The following PSMD1 variants were observed in gnomAD, a reference collection of about 807,000 sequenced individuals.
PSMD1 encodes the protein 26S proteasome non-ATPase regulatory subunit 1.
A neutral mutation model predicts 119.0 loss-of-function variants in PSMD1; 18 were observed. That is an observed-to-expected ratio of 0.15 (90% CI 0.10 to 0.22). The LOEUF (loss-of-function observed/expected upper bound fraction) is 0.22, where lower values mean the gene tolerates loss of function less well. Ranked by LOEUF, PSMD1 falls within the 10% of genes least tolerant of loss-of-function variation. PSMD1 has a pLI of 1.00. For missense variants in PSMD1, 702 were observed against 1,158.5 expected (o/e 0.61, Z 5.72); for synonymous variants, 374 against 396.6 (o/e 0.94, Z 0.68).
At chr2:231,094,034 T>G (rs776340645) in intron 16 of PSMD1, among the ~76,000 whole-genome samples, 1 of 152,234 alleles carries the variant, frequency 6.6e-6, no homozygotes, top group African/African-American at 2.4e-5. Flanking sequence ...TTGGCATCAA[T>G]GGATACATGT....
intron 7 of PSMD1, among the ~76,000 whole-genome samples, chr2:231,074,614 A>T (rs1694117386): frequency 6.6e-6 from 1 of 151,860 alleles, no homozygotes; most frequent in South Asian, 2.1e-4. Flanking sequence ...TGTATATTTT[A>T]TGTAATTTTC....
chr2:231,133,625 T>G (rs1326231716), intron 16 of PSMD1: 1 of 152,150 alleles, frequency 6.6e-6, no homozygotes, highest in African/African-American at 2.4e-5. Flanking sequence ...TTCAGGTAGT[T>G]CCCTGGGGTC....
chr2:231,111,725 T>C (rs535040004), intron 16 of PSMD1, among the ~76,000 whole-genome samples: 1 of 152,360 alleles, frequency 6.6e-6, no homozygotes, highest in Admixed American at 6.5e-5. Context: ...GCTGAAAAGC[T>C]GTAAGAGTTC....
At chr2:231,127,304 A>G (rs1051943213) in intron 16 of PSMD1, among the ~76,000 whole-genome samples, 1 of 151,818 alleles carries the variant, frequency 6.6e-6, no homozygotes, top group African/African-American at 2.4e-5. Flanking sequence ...ATTTAAATGT[A>G]TAAACATGTA....
intron 16 of PSMD1, among the ~76,000 whole-genome samples, chr2:231,112,175 C>G (rs890637333): frequency 2.0e-5 from 3 of 152,190 alleles, no homozygotes; most frequent in African/African-American, 7.2e-5. Context: ...CACACTCTCC[C>G]TTGCCCTCTC....
chr2:231,145,862 C>T (rs1446319587), intron 17 of PSMD1, among the ~76,000 whole-genome samples: 2 of 126,982 alleles, frequency 1.6e-5, no homozygotes, highest in Non-Finnish European at 3.1e-5. Context: ...CATTGCACTC[C>T]AGTCTGGGTG....
At chr2:231,085,602 C>T (rs1048112370) in intron 15 of PSMD1, among the ~76,000 whole-genome samples, 3 of 152,156 alleles carry the variant, frequency 2.0e-5, no homozygotes, top group African/African-American at 4.8e-5. Flanking sequence ...CTAGCCTGTG[C>T]GACAGGGCAA....
chr2:231,111,350 C>G lies in PSMD1; in HGVS notation c.1883+24169C>G, dbSNP rs1172546618. ...TTTTATCTCTAGTTCATTCATTCAT[C>G]TCAGTTTTCACATTCTATTAACTCA... On this transcript the variant is annotated intron_variant, in intron 16 of 24. Transcript: ENST00000308696. Among the ~76,000 whole-genome samples the G allele has an allele frequency of 2.0e-5, 3 of 152,186 alleles. No homozygotes were observed. The East Asian group carries it at 5.8e-4, about 29-fold the overall frequency.
intron 16 of PSMD1, among the ~76,000 whole-genome samples, chr2:231,116,689 C>G (rs1574744675): frequency 6.6e-6 from 1 of 151,968 alleles, no homozygotes; most frequent in Non-Finnish European, 1.5e-5. Flanking sequence ...CCCTGTTAGC[C>G]TCACTTTAAA....
intron 9 of PSMD1, 126 bp downstream of exon 9, chr2:231,077,288 A>C (rs1694191853): frequency 1.3e-6 from 1 of 797,192 alleles, no homozygotes; most frequent in African/African-American, 1.8e-5. Context: ...AAAAGTATTT[A>C]AGTTTTGAAA....
rs1694116890 is a variant in PSMD1, at chr2:231,074,568, T to C, written c.882-943T>C. ...ATTTTCTCTAGTTCTATCATGTTAATTTCTGAGTTTTTGTACTTCTAATAT... is the reference window on the plus strand; with the variant it reads ...ATTTTCTCTAGTTCTATCATGTTAACTTCTGAGTTTTTGTACTTCTAATAT... On this transcript the variant is annotated intron_variant, in intron 7 of 24. Coordinates refer to ENST00000308696, the MANE Select transcript of PSMD1 (RefSeq NM_002807.4). 2.0e-5 allele frequency among the ~76,000 whole-genome samples: 3 copies of C among 152,280 alleles called. No individual in the cohort carries two copies. In the South Asian group the frequency reaches 6.2e-4, roughly 32 times the overall value.
At chr2:231,136,839 C>T (rs953592956) in intron 16 of PSMD1, among the ~76,000 whole-genome samples, 3 of 151,058 alleles carry the variant, frequency 2.0e-5, no homozygotes, top group Non-Finnish European at 4.4e-5. Context: ...TCTGTGAATT[C>T]GTCTCCTGAC....
rs780334676 is a variant in PSMD1 at position 231,075,540 on chromosome 2, G to T, written c.911G>T (p.Ser304Ile). 6.2e-7 allele frequency: 1 copy of T among 1,610,056 alleles called. No homozygotes were observed. Among genetic ancestry groups the T allele is most frequent in the Non-Finnish European group, 8.5e-7 (1 of 1,178,734 alleles). ...SDSMETEEKT[S>I]SAFVGKTPEA... ...TCGATGGAAACAGAAGAAAAGACAA[G>T]CAGTGCATTTGTAGGAAAGACACCA... The change falls in exon 8 of 25, where the codon AGC becomes ATC. Residue 304 changes from serine (S) to isoleucine (I), a missense_variant. Around this residue, in one of 9 missense-constraint regions of PSMD1, gnomAD observed 69 missense variants for 71.6 expected, o/e 0.96. Transcript: ENST00000308696.
rs147581102 is a variant in PSMD1 at position 231,076,774 on chromosome 2, G to A, written c.943-260G>A. ...ATTTAATAAAAAGTAATTTTCCTGC[G>A]TGTTATCAGTAATTATTCTTTCCCA... On this transcript the variant is annotated intron_variant, in intron 8 of 24. Coordinates refer to ENST00000308696, the MANE Select transcript of PSMD1 (RefSeq NM_002807.4). 5.3e-4 allele frequency among the ~76,000 whole-genome samples: 81 copies of A among 152,164 alleles called. 1 individual carries two copies. Among genetic ancestry groups the A allele is most frequent in the African/African-American group, 1.3e-3 (53 of 41,502 alleles).
intron 16 of PSMD1, among the ~76,000 whole-genome samples, chr2:231,088,527 G>A (rs557883386): frequency 2.0e-5 from 3 of 152,016 alleles, no homozygotes; most frequent in Non-Finnish European, 2.9e-5. Flanking sequence ...AGACTTTTTC[G>A]TTATTTTATC....
intron 22 of PSMD1, 87 bp from the exon 23 acceptor site, chr2:231,165,784 T>C (rs1696764991): frequency 4.2e-6 from 5 of 1,199,084 alleles, no homozygotes; most frequent in African/African-American, 1.6e-5. Flanking sequence ...TTGTACCTTA[T>C]AGCTGCTCAG....
At chr2:231,113,483 C>T (rs1362459677) in intron 16 of PSMD1, among the ~76,000 whole-genome samples, 4 of 152,172 alleles carry the variant, frequency 2.6e-5, no homozygotes, top group Non-Finnish European at 4.4e-5. Context: ...AAAGAAATCT[C>T]AATAAACACT....
intron 18 of PSMD1, among the ~76,000 whole-genome samples, chr2:231,151,827 T>G (rs2125258553): frequency 6.7e-6 from 1 of 149,352 alleles, no homozygotes; most frequent in South Asian, 2.2e-4. Context: ...TTTTTTTTTT[T>G]TTGAGATGGA....
intron 23 of PSMD1, among the ~76,000 whole-genome samples, chr2:231,167,614 A>G (rs1471470061): frequency 3.3e-5 from 5 of 152,358 alleles, no homozygotes; most frequent in African/African-American, 1.2e-4. Flanking sequence ...TTTGTGTTCC[A>G]AAGTGTTTAA....
Sources: gnomAD v4.1 joint callset for allele counts (sites outside exome capture counted in the v4.1 genomes callset) on GRCh38, gnomAD v4.1.1 for gene constraint, gnomAD v4.1.1 regional missense constraint, MANE v1.5 for transcripts, NCBI Gene and HGNC (gene_info 2026-07-23, HGNC 2026-07-21) for gene names.